Variants in MACROD2 observed in about 807,000 individuals in gnomAD.
MACROD2 encodes ADP-ribose glycohydrolase MACROD2.
In MACROD2, 36 loss-of-function variants were observed where a neutral mutation model predicts 70.4. That is an observed-to-expected ratio of 0.51 (90% confidence interval 0.39 to 0.68). MACROD2 has a LOEUF of 0.68. Among genes scored for constraint, MACROD2 ranks in the 30% least tolerant of loss-of-function variants. The pLI is 0.00. For synonymous variants in MACROD2, 172 were observed against 178.8 expected, an observed-to-expected ratio of 0.96 and a Z score of 0.30; for missense variants, 496 against 538.4, an observed-to-expected ratio of 0.92 and a Z score of 0.78.
chr20:15,458,369 G>A (rs1053153376), intron 7 of MACROD2, among the ~76,000 whole-genome samples: 18 of 152,090 alleles, frequency 1.2e-4, no homozygotes, highest in South Asian at 6.2e-4. Flanking sequence ...AACTCAGGAC[G>A]ATATTTGGAT....
chr20:14,617,486 T>C (rs2038557178), intron 4 of MACROD2, among the ~76,000 whole-genome samples: 2 of 152,120 alleles, frequency 1.3e-5, no homozygotes, highest in African/African-American at 4.8e-5. Flanking sequence ...ACACAAACCA[T>C]TCTCTATGTA....
At chr20:14,342,479 A>G in intron 3 of MACROD2, among the ~76,000 whole-genome samples, 1 of 152,212 alleles carries the variant, frequency 6.6e-6, no homozygotes, top group East Asian at 1.9e-4. Context: ...GTCAGGGCAC[A>G]TCAGTATTAC....
At chr20:14,607,210 C>T (rs1012570303) in intron 4 of MACROD2, among the ~76,000 whole-genome samples, 2 of 152,148 alleles carry the variant, frequency 1.3e-5, no homozygotes, top group Admixed American at 1.3e-4. Flanking sequence ...GTTCTAACAT[C>T]TCTCTTCCAG....
chr20:15,440,764 A>AC (rs1344824941), intron 7 of MACROD2, among the ~76,000 whole-genome samples: 1 of 152,084 alleles, frequency 6.6e-6, no homozygotes, highest in Non-Finnish European at 1.5e-5. Context: ...AAAATTATGC[A>AC]CCCCTTCCTT....
chr20:14,085,737 T>C lies in MACROD2; in HGVS notation c.271+9T>C. The C allele has an allele frequency of 2.8e-6, 4 of 1,439,776 alleles. No homozygotes were observed. The highest frequency in any genetic ancestry group is 2.8e-6 in the Non-Finnish European group (3 of 1,075,554). 89.2% of individuals were successfully genotyped at this position (1,439,776 alleles called of 1,614,324 possible). A position where few individuals can be genotyped will look rare whatever the true frequency, so the allele number is the denominator to read the frequency against. On this transcript the variant is annotated intron_variant, in intron 3 of 17. Transcript: ENST00000684519. ...TGCTATAGTCAATGCCGGTGAGTAG[T>C]TGATTTTCCTGTGATGTGTTTGTTA...
At chr20:14,465,769 A>G (rs1262940857) in intron 3 of MACROD2, among the ~76,000 whole-genome samples, 1 of 152,024 alleles carries the variant, frequency 6.6e-6, no homozygotes, top group Non-Finnish European at 1.5e-5. Flanking sequence ...TCTGTAAAGT[A>G]TTTTATTTCT....
intron 7 of MACROD2, among the ~76,000 whole-genome samples, chr20:15,454,478 G>T (rs550273029): frequency 4.7e-4 from 70 of 148,998 alleles, no homozygotes; most frequent in African/African-American, 1.7e-3. Context: ...CTTAGTTTCC[G>T]GACTGCAACA....
chr20:14,285,072 G>T lies in MACROD2; in HGVS notation c.271+199344G>T, dbSNP rs2082333301. On this transcript the variant is annotated intron_variant, in intron 3 of 17. Coordinates refer to ENST00000684519, the MANE Select transcript of MACROD2 (RefSeq NM_001351661.2). The stretch of plus-strand genomic sequence containing the variant: ...CAACAAAGCCCAGATTCTCTCTATT[G>T]CACAGTTGGCACACTCTTTCCCCCT... Among the ~76,000 whole-genome samples, 3 of 150,700 alleles carry T rather than the reference G, an allele frequency of 2.0e-5. No homozygotes were observed. In the South Asian group the frequency reaches 6.3e-4, roughly 32 times the overall value.
chr20:14,551,112 G>A (rs746847190), intron 4 of MACROD2, among the ~76,000 whole-genome samples: 15 of 151,944 alleles, frequency 9.9e-5, no homozygotes, highest in Admixed American at 6.6e-5. Context: ...TAAGGTCTCC[G>A]TACAAGCAGT....
chr20:15,379,314 C>T (rs1012822751), intron 6 of MACROD2, among the ~76,000 whole-genome samples: 1 of 151,884 alleles, frequency 6.6e-6, no homozygotes, highest in Admixed American at 6.6e-5. Flanking sequence ...TATTAAAGGA[C>T]ATTCTATAAA....
chr20:14,227,627 A>C (rs762845458), intron 3 of MACROD2, among the ~76,000 whole-genome samples: 58 of 152,222 alleles, frequency 3.8e-4, no homozygotes, highest in Non-Finnish European at 2.9e-5. Flanking sequence ...GCCTTTAAGA[A>C]CTGTAACACC....
intron 5 of MACROD2, among the ~76,000 whole-genome samples, chr20:14,953,736 C>A (rs1197102370): frequency 1.3e-5 from 2 of 152,164 alleles, no homozygotes; most frequent in Non-Finnish European, 2.9e-5. Flanking sequence ...ATTCTGAGGC[C>A]AACATCCCCT....
chr20:14,468,519 G>A (rs867215513), intron 3 of MACROD2, among the ~76,000 whole-genome samples: 3 of 149,464 alleles, frequency 2.0e-5, no homozygotes, highest in South Asian at 4.3e-4. Flanking sequence ...CTTTTTTTGG[G>A]GGGGGGCGTT....
intron 6 of MACROD2, among the ~76,000 whole-genome samples, chr20:15,300,260 G>C (rs2077629559): frequency 6.6e-6 from 1 of 152,170 alleles, no homozygotes; most frequent in Admixed American, 6.5e-5. Flanking sequence ...TTTAGGCCTT[G>C]CAAAGATGCT....
At chr20:15,601,906 T>G (rs906364852) in intron 8 of MACROD2, among the ~76,000 whole-genome samples, 1 of 152,074 alleles carries the variant, frequency 6.6e-6, no homozygotes, top group Middle Eastern at 3.2e-3. Context: ...CATGCACCTG[T>G]AATCCCAGCT....
At chr20:15,604,014 A>G (rs2048859648) in intron 8 of MACROD2, among the ~76,000 whole-genome samples, 1 of 152,212 alleles carries the variant, frequency 6.6e-6, no homozygotes, top group Non-Finnish European at 1.5e-5. Context: ...ATTCCAGTAG[A>G]GTCCAGAATT....
At chr20:14,813,145 G>A in intron 5 of MACROD2, among the ~76,000 whole-genome samples, 1 of 150,624 alleles carries the variant, frequency 6.6e-6, no homozygotes, top group East Asian at 1.9e-4. Context: ...ATTTTCATTG[G>A]CTTTATATTT....
chr20:15,563,746 G>T (rs2048275322), intron 8 of MACROD2, among the ~76,000 whole-genome samples: 1 of 152,062 alleles, frequency 6.6e-6, no homozygotes, highest in African/African-American at 2.4e-5. Context: ...GGAAATACTT[G>T]ACTATAAAAA....
intron 8 of MACROD2, among the ~76,000 whole-genome samples, chr20:15,781,492 A>G (rs975511351): frequency 6.6e-6 from 1 of 152,150 alleles, no homozygotes; most frequent in Non-Finnish European, 1.5e-5. Context: ...TCAAGATGCT[A>G]GCAGGCTCAG....
Sources: gnomAD v4.1 joint callset for allele counts (sites outside exome capture counted in the v4.1 genomes callset) on GRCh38, gnomAD v4.1.1 for gene constraint, MANE v1.5 for transcripts, NCBI Gene and HGNC (gene_info 2026-07-23, HGNC 2026-07-21) for gene names.